Variants in ANKRD39 observed in about 807,000 individuals in gnomAD.
ANKRD39 encodes the protein ankyrin repeat domain-containing protein 39.
In ANKRD39, 18 loss-of-function variants were observed where a neutral mutation model predicts 20.3. That is an observed-to-expected ratio of 0.89 (90% confidence interval 0.61 to 1.32). The LOEUF (loss-of-function observed/expected upper bound fraction) is 1.32, where lower values mean the gene tolerates loss of function less well. Ranked by LOEUF, ANKRD39 falls within the 40% of genes most tolerant of loss-of-function variation. The pLI is 0.00. For synonymous variants in ANKRD39, 106 were observed against 111.9 expected (o/e 0.95, Z 0.33); for missense variants, 243 against 250.7 (o/e 0.97, Z 0.21).
chr2:96,856,788 G>T (rs1240488663), intron 1 of ANKRD39, among the ~76,000 whole-genome samples: 1 of 152,220 alleles, frequency 6.6e-6, no homozygotes, highest in African/African-American at 2.4e-5. Context: ...GCTGGGATCT[G>T]AAGAAAAGCA....
At chr2:96,856,197 G>A (rs2079863966) in intron 1 of ANKRD39, among the ~76,000 whole-genome samples, 1 of 152,126 alleles carries the variant, frequency 6.6e-6, no homozygotes, top group Admixed American at 6.5e-5. Flanking sequence ...CAAGATGCCG[G>A]GTGCGGTGGC....
At chr2:96,856,919 C>T (rs984312440) in intron 1 of ANKRD39, among the ~76,000 whole-genome samples, 1 of 151,990 alleles carries the variant, frequency 6.6e-6, no homozygotes, top group Non-Finnish European at 1.5e-5. Flanking sequence ...AGTGTGGCTG[C>T]GGCGTAGTGA....
At chr2:96,856,011 C>A (rs1262711403) in intron 1 of ANKRD39, among the ~76,000 whole-genome samples, 2 of 151,982 alleles carry the variant, frequency 1.3e-5, no homozygotes, top group African/African-American at 4.8e-5. Flanking sequence ...ACAACAACAA[C>A]AAAGAGTTAC....
chr2:96,857,857 G>A (rs778822417), intron 1 of ANKRD39, 31 bp downstream of exon 1: 95 of 1,545,752 alleles, frequency 6.1e-5, no homozygotes, highest in East Asian at 7.2e-5. Context: ...GGGGCCTGGT[G>A]AGAACCACGA....
intron 1 of ANKRD39, among the ~76,000 whole-genome samples, chr2:96,856,649 G>A (rs1222142468): frequency 6.6e-6 from 1 of 152,012 alleles, no homozygotes. Context: ...CCTACTACAC[G>A]CCTGTAGCAC....
chr2:96,857,015 C>G (rs1264758769), intron 1 of ANKRD39, among the ~76,000 whole-genome samples: 1 of 152,132 alleles, frequency 6.6e-6, no homozygotes. Flanking sequence ...TAGGCCATAA[C>G]AGGGAATGAT....
At chr2:96,849,256 G>T (rs542638262) in intron 3 of ANKRD39, among the ~76,000 whole-genome samples, 1 of 152,122 alleles carries the variant, frequency 6.6e-6, no homozygotes, top group East Asian at 1.9e-4. Flanking sequence ...GGGCTCAAGC[G>T]ATCCTCCTGC....
intron 3 of ANKRD39, among the ~76,000 whole-genome samples, chr2:96,850,224 C>T (rs962983995): frequency 6.6e-6 from 1 of 152,356 alleles, no homozygotes; most frequent in African/African-American, 2.4e-5. Flanking sequence ...AATCTTTACT[C>T]AGCTGGTCCT....
intron 1 of ANKRD39, among the ~76,000 whole-genome samples, chr2:96,855,101 G>A (rs62152862): frequency 0.02 from 3,087 of 152,292 alleles, 60 homozygotes; most frequent in South Asian, 0.03. Flanking sequence ...GGAGTTCGGG[G>A]AGTTCAGGGT....
At chr2:96,848,962 G>C (rs1442293383) in intron 3 of ANKRD39, among the ~76,000 whole-genome samples, 1 of 151,862 alleles carries the variant, frequency 6.6e-6, no homozygotes, top group Non-Finnish European at 1.5e-5. Flanking sequence ...TTTCTTTCTT[G>C]TGTCCTTTGC....
rs1219301726 is a variant in ANKRD39 at position 96,857,971 on chromosome 2, G to A, written c.17C>T (p.Pro6Leu). 3 of 1,545,986 alleles carry A rather than the reference G, an allele frequency of 1.9e-6. No individual in the cohort carries two copies. Among genetic ancestry groups the A allele is most frequent in the East Asian group, 2.4e-5 (1 of 41,086 alleles). The part of the protein sequence containing the change: MATPR[P>L]CADGPCCSHP... The stretch of plus-strand genomic sequence containing the variant: ...CGAGCAGCAGGGCCCGTCCGCGCAG[G>A]GCCGAGGCGTCGCCATCCCGGCCCC... The change falls in exon 1 of 4, where the codon CCC (proline) becomes CTC (leucine). Residue 6 changes from proline to leucine, a missense_variant. Transcript: ENST00000393537.
intron 1 of ANKRD39, among the ~76,000 whole-genome samples, chr2:96,856,181 T>C (rs932355008): frequency 6.6e-6 from 1 of 152,124 alleles, no homozygotes; most frequent in Non-Finnish European, 1.5e-5. Context: ...TTGTTTTTTA[T>C]GAAAGCAAGA....
intron 3 of ANKRD39, among the ~76,000 whole-genome samples, chr2:96,851,874 G>A (rs1227097290): frequency 1.3e-5 from 2 of 152,186 alleles, no homozygotes. Flanking sequence ...TATGGCTCTG[G>A]GGGGACAGAG....
intron 3 of ANKRD39, among the ~76,000 whole-genome samples, chr2:96,852,391 A>C (rs1318335781): frequency 6.7e-6 from 1 of 149,166 alleles, no homozygotes; most frequent in South Asian, 2.1e-4. Context: ...TGTCTCAAAA[A>C]AAAAAAAAAA....
Position 96,857,796 on chromosome 2 carries a change from C to G in ANKRD39, c.100+92G>C, listed in dbSNP as rs2079872949. On this transcript the variant is annotated intron_variant, in intron 1 of 3. Transcript: ENST00000393537. Reference sequence around the variant, plus strand: ...CCCCAAGCCCCAAGCCCCAAGCTCTCGGGGCCCCGTTCATCCGCCTCTCCT... The same window carrying G: ...CCCCAAGCCCCAAGCCCCAAGCTCTGGGGGCCCCGTTCATCCGCCTCTCCT... 13 of 1,344,542 alleles carry G rather than the reference C, an allele frequency of 9.7e-6. No homozygotes were observed. In the South Asian group the frequency reaches 1.3e-4, roughly 13 times the overall value. The allele number at this position is 1,344,542 out of a possible 1,614,324, so 83.3% of individuals were successfully genotyped here. A position where few individuals can be genotyped will look rare whatever the true frequency, so the allele number is the denominator to read the frequency against.
chr2:96,857,828 C>T, intron 1 of ANKRD39, 60 bp downstream of exon 1: 5 of 1,505,980 alleles, frequency 3.3e-6, no homozygotes, highest in Non-Finnish European at 1.8e-6. Flanking sequence ...TCCTTGGCCC[C>T]ACGCCTCCTC....
intron 3 of ANKRD39, among the ~76,000 whole-genome samples, chr2:96,850,681 CAAAA>C (rs146212815): frequency 2.9e-5 from 4 of 137,486 alleles, no homozygotes; most frequent in African/African-American, 1.1e-4. Context: ...CAAAACAAAA[CAAAA>C]AAAAAAACAA....
Position 96,854,383 on chromosome 2 carries a change from C to T in ANKRD39, c.159G>A (p.Lys53=). ...DLGRVKHLIQ[K]AEDPSQPDSA... ...AGTCGGGCTGACTTGGGTCCTCGGC[C>T]TTCTGGATTAAATGCTTCACTCGGC... The change falls in exon 2 of 4, where the codon AAG becomes AAA. Residue 53 remains lysine, a synonymous_variant. Coordinates refer to ENST00000393537, the MANE Select transcript of ANKRD39 (RefSeq NM_016466.6). 1.2e-6 allele frequency: 2 copies of T among 1,614,146 alleles called. No individual in the cohort carries two copies. Among genetic ancestry groups the T allele is most frequent in the Non-Finnish European group, 1.7e-6 (2 of 1,180,030 alleles).
At chr2:96,852,648 C>T (rs2079844135) in intron 3 of ANKRD39, among the ~76,000 whole-genome samples, 1 of 151,722 alleles carries the variant, frequency 6.6e-6, no homozygotes, top group Admixed American at 6.6e-5. Context: ...CTGCTTTAAA[C>T]AATCGCTCCA....
Sources: allele counts gnomAD v4.1 joint callset (sites outside exome capture counted in the v4.1 genomes callset), GRCh38; gene constraint gnomAD v4.1.1; transcripts MANE v1.5; gene names NCBI Gene and HGNC (gene_info 2026-07-23, HGNC 2026-07-21).